Variants in BPTF observed in about 807,000 individuals in gnomAD.
BPTF encodes the protein nucleosome-remodeling factor subunit BPTF.
A neutral mutation model predicts 292.5 loss-of-function variants in BPTF; 18 were observed. The observed-to-expected ratio is 0.06, with a 90% CI of 0.04 to 0.09. The LOEUF is 0.09. Ranked by LOEUF, BPTF falls within the 10% of genes least tolerant of loss-of-function variation. The pLI is 1.00. For missense variants in BPTF, 2,726 were observed against 3,498.7 expected, an observed-to-expected ratio of 0.78 and a Z score of 5.57; for synonymous variants, 1,225 against 1,251.9, an observed-to-expected ratio of 0.98 and a Z score of 0.45.
chr17:67,847,455 A>G (rs113397466), intron 1 of BPTF, among the ~76,000 whole-genome samples: 1 of 152,010 alleles, frequency 6.6e-6, no homozygotes, highest in African/African-American at 2.4e-5. Flanking sequence ...CAGAGCTTGC[A>G]GTGAGCAGAG....
At chr17:67,949,026 C>A (rs1276416886) in intron 23 of BPTF, among the ~76,000 whole-genome samples, 2 of 152,058 alleles carry the variant, frequency 1.3e-5, no homozygotes, top group Non-Finnish European at 2.9e-5. Flanking sequence ...GACTTGTAAA[C>A]GATTCTGTAG....
intron 1 of BPTF, among the ~76,000 whole-genome samples, chr17:67,830,713 A>G (rs1419364354): frequency 6.6e-6 from 1 of 152,178 alleles, no homozygotes; most frequent in Non-Finnish European, 1.5e-5. Flanking sequence ...TCGGTTTAGC[A>G]AGAGCCTGAG....
intron 4 of BPTF, among the ~76,000 whole-genome samples, chr17:67,876,121 T>C (rs1313610496): frequency 6.6e-6 from 1 of 152,262 alleles, no homozygotes; most frequent in African/African-American, 2.4e-5. Context: ...AATTTTATGT[T>C]TGCATGTGCT....
chr17:67,967,056 C>T (rs551358873), intron 26 of BPTF, among the ~76,000 whole-genome samples: 28 of 150,684 alleles, frequency 1.9e-4, no homozygotes, highest in South Asian at 6.3e-4. Context: ...ACAGAGATCG[C>T]GCCACTGCAC....
chr17:67,925,914 A>G (rs1427815724), intron 15 of BPTF, among the ~76,000 whole-genome samples: 3 of 150,924 alleles, frequency 2.0e-5, no homozygotes, highest in South Asian at 4.2e-4. Context: ...CCAAATATCT[A>G]TAACAACTGG....
chr17:67,953,122 T>C (rs2066543997), intron 23 of BPTF, among the ~76,000 whole-genome samples: 1 of 150,922 alleles, frequency 6.6e-6, no homozygotes, highest in Non-Finnish European at 1.5e-5. Flanking sequence ...CTGCAACGCC[T>C]GGCTAGTTTT....
intron 4 of BPTF, among the ~76,000 whole-genome samples, chr17:67,875,297 C>T (rs193101452): frequency 1.1e-4 from 17 of 152,126 alleles, no homozygotes; most frequent in African/African-American, 3.9e-4. Context: ...TAATATTATA[C>T]CAGAGTATAC....
chr17:67,827,625 G>A (rs569927613), intron 1 of BPTF, among the ~76,000 whole-genome samples: 29 of 152,242 alleles, frequency 1.9e-4, no homozygotes, highest in African/African-American at 7.0e-4. Context: ...GTTGAAGTAA[G>A]GTGTGTCATG....
chr17:67,967,733 C>T (rs2068285477), intron 26 of BPTF, among the ~76,000 whole-genome samples: 1 of 146,328 alleles, frequency 6.8e-6, no homozygotes, highest in Non-Finnish European at 1.5e-5. Context: ...GCACAAGAAT[C>T]ACTTGAACCC....
chr17:67,940,709 C>A (rs939027626), intron 19 of BPTF, 53 bp downstream of exon 19: 5 of 1,539,880 alleles, frequency 3.2e-6, no homozygotes, highest in Non-Finnish European at 2.7e-6. Flanking sequence ...TTTATTCTTG[C>A]GGTAAGTTTA....
At chr17:67,856,152 C>T (rs2058678280) in intron 2 of BPTF, among the ~76,000 whole-genome samples, 1 of 152,158 alleles carries the variant, frequency 6.6e-6, no homozygotes, top group African/African-American at 2.4e-5. Context: ...TCATTTCTCT[C>T]CAGTTTTCCT....
At chr17:67,865,030 T>C (rs989731680) in intron 2 of BPTF, among the ~76,000 whole-genome samples, 1 of 152,014 alleles carries the variant, frequency 6.6e-6, no homozygotes, top group African/African-American at 2.4e-5. Flanking sequence ...ATGGTCTCGA[T>C]CTCCTGACCT....
intron 14 of BPTF, among the ~76,000 whole-genome samples, chr17:67,924,110 T>G (rs2063668348): frequency 6.6e-6 from 1 of 152,184 alleles, no homozygotes; most frequent in Non-Finnish European, 1.5e-5. Context: ...GCAGTTCTCC[T>G]GCCTCAGGCA....
At chr17:67,870,869 A>G (rs1162825624) in intron 3 of BPTF, among the ~76,000 whole-genome samples, 1 of 138,394 alleles carries the variant, frequency 7.2e-6, no homozygotes, top group East Asian at 2.1e-4. Context: ...TCCCGGGTTC[A>G]CGCCATTCTC....
chr17:67,903,158 C>T (rs115475983), intron 7 of BPTF, among the ~76,000 whole-genome samples: 2,622 of 152,320 alleles, frequency 0.017, 66 homozygotes, highest in African/African-American at 0.055. Context: ...CCTTTCTCTG[C>T]GGATGTAAGA....
chr17:67,963,800 C>A (rs2067740529), intron 24 of BPTF, among the ~76,000 whole-genome samples: 1 of 152,102 alleles, frequency 6.6e-6, no homozygotes, highest in Admixed American at 6.5e-5. Flanking sequence ...CTTGTTTGGA[C>A]TTTATCAGTG....
chr17:67,839,546 A>G (rs1437120782), intron 1 of BPTF, among the ~76,000 whole-genome samples: 1 of 152,170 alleles, frequency 6.6e-6, no homozygotes, highest in African/African-American at 2.4e-5. Flanking sequence ...TTTGACTTTT[A>G]AAAAGGTATT....
At chr17:67,892,190 G>A (rs548857175) in intron 5 of BPTF, among the ~76,000 whole-genome samples, 156 bp downstream of exon 5, 5 of 152,330 alleles carry the variant, frequency 3.3e-5, no homozygotes, top group Admixed American at 2.0e-4. Context: ...TAACAAGACT[G>A]AAAGTATTAG....
rs1598928042 is a variant in BPTF, at chr17:67,959,702, A to G, written c.8088A>G (p.Thr2696=). 2 of 1,563,088 alleles carry G rather than the reference A, an allele frequency of 1.3e-6. No homozygotes were observed. Among genetic ancestry groups the G allele is most frequent in the Admixed American group, 1.8e-5 (1 of 57,106 alleles). The change falls in exon 24 of 28, where the codon ACA becomes ACG. Residue 2696 remains threonine (T), a synonymous_variant. Coordinates refer to ENST00000306378, the MANE Select transcript of BPTF (RefSeq NM_182641.4). ...CCCCTCCACCTGCTGTGCAACACAC[A>G]GGCCTTCTGTCCACGCCCACCTTAC... ...SPPPPPAVQH[T]GLLSTPTLPA...
Sources: gnomAD v4.1 joint callset for allele counts (sites outside exome capture counted in the v4.1 genomes callset) on GRCh38, gnomAD v4.1.1 for gene constraint, MANE v1.5 for transcripts, NCBI Gene and HGNC (gene_info 2026-07-23, HGNC 2026-07-21) for gene names.